The following C1orf185 variants were observed in gnomAD, a reference collection of about 807,000 sequenced individuals.
The protein encoded by C1orf185 is uncharacterized protein C1orf185.
In C1orf185, 13 loss-of-function variants were observed where a neutral mutation model predicts 16.1. That is an observed-to-expected ratio of 0.81 (90% CI 0.53 to 1.28). The LOEUF (loss-of-function observed/expected upper bound fraction) is 1.28. C1orf185 is among the 50% of genes most tolerant of loss of function. The pLI is 0.00. For missense variants in C1orf185, 220 were observed against 225.2 expected (o/e 0.98, Z 0.15); for synonymous variants, 80 against 76.9 (o/e 1.04, Z -0.21).
rs915723058 is a variant in C1orf185, at chr1:51,147,910, T to C, written c.*139T>C. On this transcript the variant is annotated 3_prime_UTR_variant, in exon 5 of 5. Coordinates refer to ENST00000371759, the MANE Select transcript of C1orf185 (RefSeq NM_001136508.2). ...CAATCAGCTTCTGAGTCTCTTAACA[T>C]GTCCATGCTAATATTGCTTTTTTTG... 5 of 752,988 alleles carry C rather than the reference T, an allele frequency of 6.6e-6. No homozygotes were observed. Among genetic ancestry groups the C allele is most frequent in the Non-Finnish European group, 1.0e-5 (5 of 496,748 alleles). 46.6% of individuals were successfully genotyped at this position (752,988 alleles called of 1,614,324 possible). A position where few individuals can be genotyped will look rare whatever the true frequency, so the allele number is the denominator to read the frequency against.
chr1:51,115,564 T>G (rs1646151768), intron 2 of C1orf185, among the ~76,000 whole-genome samples: 1 of 152,188 alleles, frequency 6.6e-6, no homozygotes, highest in African/African-American at 2.4e-5. Flanking sequence ...TTTTCTTAGG[T>G]AAATACCTAA....
At chr1:51,102,513 CT>C (rs1027220164) in intron 1 of C1orf185, 32 of 242,278 alleles carry the variant, frequency 1.3e-4, no homozygotes, top group Middle Eastern at 1.3e-3. Flanking sequence ...TTGTAAGTTA[CT>C]TTTTAGGTAT....
chr1:51,143,754 C>A (rs551655624), intron 3 of C1orf185, among the ~76,000 whole-genome samples: 1 of 152,360 alleles, frequency 6.6e-6, no homozygotes, highest in East Asian at 1.9e-4. Flanking sequence ...GCATGACTTT[C>A]TGGGCTCAGG....
chr1:51,105,258 C>A (rs1427237576), intron 1 of C1orf185, among the ~76,000 whole-genome samples: 1 of 151,980 alleles, frequency 6.6e-6, no homozygotes, highest in African/African-American at 2.4e-5. Flanking sequence ...TGAGCCAACG[C>A]TCCCCACCTG....
chr1:51,123,977 T>TAG (rs1224666984), intron 3 of C1orf185, among the ~76,000 whole-genome samples: 7 of 151,296 alleles, frequency 4.6e-5, no homozygotes, highest in African/African-American at 1.7e-4. Context: ...ATTATATATA[T>TAG]ATATAGAGAG....
At chr1:51,138,038 C>G (rs907899009) in intron 3 of C1orf185, among the ~76,000 whole-genome samples, 3 of 152,074 alleles carry the variant, frequency 2.0e-5, no homozygotes, top group Non-Finnish European at 4.4e-5. Flanking sequence ...ACAACACACA[C>G]TGGGGCCTAT....
chr1:51,128,997 G>A (rs1646262893), intron 3 of C1orf185, among the ~76,000 whole-genome samples: 1 of 151,796 alleles, frequency 6.6e-6, no homozygotes, highest in African/African-American at 2.4e-5. Flanking sequence ...TGATTCTCCT[G>A]CCTCAGCCTC....
chr1:51,136,651 G>A (rs1163291353), intron 3 of C1orf185, among the ~76,000 whole-genome samples: 1 of 152,104 alleles, frequency 6.6e-6, no homozygotes, highest in Non-Finnish European at 1.5e-5. Flanking sequence ...CAAGCAATGG[G>A]GGAAGAATTC....
At chr1:51,141,441 C>T (rs1032547491) in intron 3 of C1orf185, among the ~76,000 whole-genome samples, 6 of 152,048 alleles carry the variant, frequency 3.9e-5, no homozygotes, top group South Asian at 2.1e-4. Context: ...GCCATGAGCC[C>T]GTGATTGCAC....
intron 1 of C1orf185, among the ~76,000 whole-genome samples, chr1:51,109,726 T>C (rs1646102021): frequency 6.6e-6 from 1 of 152,218 alleles, no homozygotes; most frequent in Admixed American, 6.5e-5. Flanking sequence ...TTCTGGGTTC[T>C]CCATCCTGTT....
intron 3 of C1orf185, among the ~76,000 whole-genome samples, chr1:51,129,126 C>A (rs964175039): frequency 7.9e-5 from 12 of 152,108 alleles, no homozygotes; most frequent in Non-Finnish European, 1.3e-4. Flanking sequence ...CTCAGGCGAT[C>A]CACCTGCCTC....
At chr1:51,116,971 A>T (rs987554497) in intron 2 of C1orf185, among the ~76,000 whole-genome samples, 3 of 152,168 alleles carry the variant, frequency 2.0e-5, no homozygotes, top group African/African-American at 4.8e-5. Context: ...AGTTACATCC[A>T]CAATACCAGG....
intron 4 of C1orf185, among the ~76,000 whole-genome samples, chr1:51,147,002 A>G (rs1646404923): frequency 6.6e-6 from 1 of 152,136 alleles, no homozygotes; most frequent in Non-Finnish European, 1.5e-5. Flanking sequence ...CCAAGTAGAA[A>G]CTATGTATAT....
At chr1:51,103,377 G>T (rs2148005964) in intron 1 of C1orf185, among the ~76,000 whole-genome samples, 1 of 147,440 alleles carries the variant, frequency 6.8e-6, no homozygotes, top group East Asian at 2.0e-4. Flanking sequence ...CTGCACTCCA[G>T]CCTGGGCAAC....
At chr1:51,141,779 C>T (rs1404031291) in intron 3 of C1orf185, among the ~76,000 whole-genome samples, 2 of 152,038 alleles carry the variant, frequency 1.3e-5, no homozygotes, top group Non-Finnish European at 2.9e-5. Flanking sequence ...ATTATTATAG[C>T]TTAGTTTTCA....
At chr1:51,130,177 C>A (rs1242025085) in intron 3 of C1orf185, among the ~76,000 whole-genome samples, 6 of 152,142 alleles carry the variant, frequency 3.9e-5, no homozygotes, top group Non-Finnish European at 7.3e-5. Context: ...GTTTTCATTT[C>A]TCTAGAATAA....
At chr1:51,141,350 G>A (rs1424393373) in intron 3 of C1orf185, among the ~76,000 whole-genome samples, 1 of 152,192 alleles carries the variant, frequency 6.6e-6, no homozygotes, top group Admixed American at 6.5e-5. Flanking sequence ...AATTAGCTGA[G>A]TGTGGAGGCA....
At chr1:51,133,447 A>T (rs929861392) in intron 3 of C1orf185, among the ~76,000 whole-genome samples, 1 of 152,260 alleles carries the variant, frequency 6.6e-6, no homozygotes, top group Non-Finnish European at 1.5e-5. Context: ...AAAGATTTTA[A>T]AAAGACAAAG....
intron 3 of C1orf185, among the ~76,000 whole-genome samples, chr1:51,120,068 A>C (rs771380771): frequency 3.7e-4 from 57 of 152,206 alleles, no homozygotes; most frequent in Non-Finnish European, 6.8e-4. Context: ...GTCGGGAAGA[A>C]AGAGAACAAA....
Sources: gnomAD v4.1 joint callset for allele counts (sites outside exome capture counted in the v4.1 genomes callset) on GRCh38, gnomAD v4.1.1 for gene constraint, MANE v1.5 for transcripts, NCBI Gene and HGNC (gene_info 2026-07-23, HGNC 2026-07-21) for gene names.